The following STAB2 variants were observed in gnomAD, a reference collection of about 807,000 sequenced individuals.
STAB2 encodes the protein stabilin-2.
Under a neutral mutation model 338.1 loss-of-function variants are expected in STAB2, and 288 were observed. The ratio of observed to expected loss-of-function variants is 0.85; its 90% CI spans 0.77 to 0.94. STAB2 has a LOEUF of 0.94. STAB2 is among the 40% of genes least tolerant of loss of function. The pLI is 0.00. For missense variants in STAB2, 3,141 were observed against 3,210.1 expected (o/e 0.98, Z 0.52); for synonymous variants, 1,202 against 1,193.3 (o/e 1.01, Z -0.15).
At chr12:103,752,658 A>G (rs564693064) in intron 60 of STAB2, among the ~76,000 whole-genome samples, 1 of 152,342 alleles carries the variant, frequency 6.6e-6, no homozygotes, top group African/African-American at 2.4e-5. Flanking sequence ...TGTTTTTTAT[A>G]GCTGTAAAGG....
Position 103,669,823 on chromosome 12 carries a change from T to C in STAB2, c.2259+196T>C, listed in dbSNP as rs77573783. ...GGATGGGAGAGAGAGATTCCGGTAA[T>C]GTTGCCTCTAGTCTGCTTCTCTATT... On this transcript the variant is annotated intron_variant, in intron 21 of 68. Coordinates refer to ENST00000388887, the MANE Select transcript of STAB2 (RefSeq NM_017564.10). Among the ~76,000 whole-genome samples the C allele has an allele frequency of 4.0e-3, 605 of 152,316 alleles. 10 individuals are homozygous for C. Among genetic ancestry groups the C allele is most frequent in the African/African-American group, 0.014 (591 of 41,562 alleles).
chr12:103,735,693 G>A (rs1946820), intron 52 of STAB2, 113 bp downstream of exon 52: 256,812 of 868,478 alleles, frequency 0.3, 42,427 homozygotes, highest in East Asian at 0.51. Flanking sequence ...CATTCATAGC[G>A]GGCTCATTTT....
rs1347907960 is a variant in STAB2 at position 103,766,382 on chromosome 12, C to T, written c.*46C>T. 1 of 1,572,090 alleles carries T rather than the reference C, an allele frequency of 6.4e-7. No individual in the cohort carries two copies. Among genetic ancestry groups the T allele is most frequent in the Middle Eastern group, 1.8e-4 (1 of 5,712 alleles). On this transcript the variant is annotated 3_prime_UTR_variant, in exon 69 of 69. Transcript: ENST00000388887. The stretch of plus-strand genomic sequence containing the variant: ...AGCCATCACTCACTGCCACCTGGGC[C>T]ATCAACTGTGAATTCTCAGCACCAG...
At chr12:103,682,790 A>G (rs1877039607) in intron 25 of STAB2, among the ~76,000 whole-genome samples, 1 of 152,182 alleles carries the variant, frequency 6.6e-6, no homozygotes, top group Admixed American at 6.5e-5. Context: ...TGTACTAAAA[A>G]TACAAAAATT....
intron 44 of STAB2, among the ~76,000 whole-genome samples, chr12:103,720,126 G>A (rs1033687090): frequency 1.3e-5 from 2 of 152,280 alleles, no homozygotes; most frequent in East Asian, 1.9e-4. Flanking sequence ...AAGAAGCTAC[G>A]GAAAAGATGG....
chr12:103,597,874 C>T (rs1165779475), intron 3 of STAB2, among the ~76,000 whole-genome samples: 1 of 152,032 alleles, frequency 6.6e-6, no homozygotes, highest in African/African-American at 2.4e-5. Context: ...CACCCAAACT[C>T]AGTTGTAGAC....
rs767278792 is a variant in STAB2, at chr12:103,740,615, ACT to A, written c.5755-10_5755-9del. 1.2e-6 allele frequency: 2 copies of A among 1,609,588 alleles called. No homozygotes were observed. The highest frequency in any genetic ancestry group is 2.7e-5 in the African/African-American group (2 of 74,556). ...GCAGTGGTAAGTGAAGGGATGGTCC[ACT>A]CTCTTCCCTTAGGGTGTGAAGCAGA... On this transcript the variant is annotated splice_polypyrimidine_tract_variant and intron_variant, in intron 54 of 68. Coordinates refer to ENST00000388887, the MANE Select transcript of STAB2 (RefSeq NM_017564.10).
rs144126071 is a variant in STAB2, at chr12:103,618,506, C to T, written c.332-1962C>T. 2.1e-4 allele frequency among the ~76,000 whole-genome samples: 32 copies of T among 152,254 alleles called. No individual in the cohort carries two copies. The East Asian group carries it at 4.4e-3, about 21-fold the overall frequency. On this transcript the variant is annotated intron_variant, in intron 3 of 68. Coordinates refer to ENST00000388887, the MANE Select transcript of STAB2 (RefSeq NM_017564.10). ...AAGACAACTGCATTTTTATTTTCCA[C>T]GGATGCTGATTTCACATGCCACAGG...
chr12:103,740,674 C>A lies in STAB2; in HGVS notation c.5799C>A (p.Asn1933Lys). ...KCLYNLPFKR[N>K]LEGCRERCSL... ...TCTACAACCTGCCCTTCAAGAGGAA[C>A]CTGGAAGGCTGCCGGGAGCGGTGCA... is the stretch of plus-strand genomic sequence containing the variant. The change falls in exon 55 of 69, where the codon AAC (asparagine) becomes AAA (lysine). Residue 1933 changes from asparagine (N) to lysine (K), a missense_variant. Transcript: ENST00000388887. 13 of 1,611,904 alleles carry A rather than the reference C, an allele frequency of 8.1e-6. No homozygotes were observed. The highest frequency in any genetic ancestry group is 1.1e-5 in the Non-Finnish European group (13 of 1,179,220).
intron 26 of STAB2, among the ~76,000 whole-genome samples, chr12:103,684,011 G>GC (rs1877171139): frequency 6.6e-6 from 1 of 152,146 alleles, no homozygotes; most frequent in Non-Finnish European, 1.5e-5. Flanking sequence ...CTTCCCAAGA[G>GC]CCCAGAACCA....
intron 49 of STAB2, 105 bp downstream of exon 49, chr12:103,730,361 C>A: frequency 7.9e-7 from 1 of 1,270,470 alleles, no homozygotes; most frequent in Non-Finnish European, 1.1e-6. Context: ...TTTTCTGCTT[C>A]AATCTCAAGC....
intron 50 of STAB2, among the ~76,000 whole-genome samples, chr12:103,732,267 C>A (rs1341295762): frequency 6.6e-6 from 1 of 152,142 alleles, no homozygotes; most frequent in Non-Finnish European, 1.5e-5. Flanking sequence ...TGAGATCGCA[C>A]CACTGCACTC....
chr12:103,755,650 G>A lies in STAB2; in HGVS notation c.6919G>A (p.Gly2307Ser). The A allele has an allele frequency of 6.2e-7, 1 of 1,614,126 alleles. No individual in the cohort carries two copies. The highest frequency in any genetic ancestry group is 8.5e-7 in the Non-Finnish European group (1 of 1,180,034). ...CTGCAAGGTGGGCTATGTGGGAGAT[G>A]GCTTCTCATGCAGTGGGAACCTGCT... ...CTCKVGYVGD[G>S]FSCSGNLLQV... Residue 2307 changes from glycine (G) to serine (S), a missense_variant, in exon 63 of 69, where the codon GGC becomes AGC. Transcript: ENST00000388887.
chr12:103,745,781 G>C (rs1022010561), intron 57 of STAB2, among the ~76,000 whole-genome samples: 1 of 152,180 alleles, frequency 6.6e-6, no homozygotes, highest in Non-Finnish European at 1.5e-5. Context: ...TTGCTGGCAG[G>C]GTCAGCGAGC....
chr12:103,744,180 A>G (rs186953089), intron 56 of STAB2, among the ~76,000 whole-genome samples: 1 of 151,946 alleles, frequency 6.6e-6, no homozygotes, highest in East Asian at 1.9e-4. Context: ...ATCTCACTCT[A>G]TCACCCAGGC....
intron 27 of STAB2, 65 bp from the exon 28 acceptor site, chr12:103,688,103 T>A: frequency 6.6e-7 from 1 of 1,516,132 alleles, no homozygotes; most frequent in Admixed American, 1.7e-5. Context: ...TGATTGCACT[T>A]CTCATTGTTC....
At chr12:103,610,187 T>C (rs992494804) in intron 3 of STAB2, among the ~76,000 whole-genome samples, 2 of 151,962 alleles carry the variant, frequency 1.3e-5, no homozygotes, top group African/African-American at 2.4e-5. Flanking sequence ...GGTATCAGGA[T>C]GATGCTGGCC....
chr12:103,704,431 A>T (rs1044802080), intron 35 of STAB2, 127 bp from the exon 36 acceptor site: 1 of 830,492 alleles, frequency 1.2e-6, no homozygotes, highest in Non-Finnish European at 1.9e-6. Flanking sequence ...GTCTCAGAAC[A>T]TTAAAGAGGC....
chr12:103,715,764 T>A (rs775114995), intron 42 of STAB2, 51 bp from the exon 43 acceptor site: 2 of 1,609,040 alleles, frequency 1.2e-6, no homozygotes, highest in Admixed American at 3.3e-5. Context: ...CTGGCTTCAC[T>A]TGGAAACCAG....
Sources: allele counts gnomAD v4.1 joint callset (sites outside exome capture counted in the v4.1 genomes callset), GRCh38; gene constraint gnomAD v4.1.1; transcripts MANE v1.5; gene names NCBI Gene and HGNC (gene_info 2026-07-23, HGNC 2026-07-21).